The following MYO5A variants were observed in gnomAD, a reference collection of about 807,000 sequenced individuals.
MYO5A encodes the protein unconventional myosin-Va.
Under a neutral mutation model 249.7 loss-of-function variants are expected in MYO5A, and 98 were observed. The observed-to-expected ratio is 0.39, with a 90% CI of 0.33 to 0.46. The LOEUF (loss-of-function observed/expected upper bound fraction) is 0.46, where lower values mean the gene tolerates loss of function less well. MYO5A is among the 20% of genes least tolerant of loss of function. The probability of loss-of-function intolerance (pLI) is 0.98; values close to 1 mark genes in which losing one functional copy is unlikely to be tolerated. For synonymous variants in MYO5A, 778 were observed against 810.6 expected (o/e 0.96, Z 0.68); for missense variants, 1,696 against 2,308.8 (o/e 0.73, Z 5.44).
chr15:52,505,598 TTTCCAAGTC>T lies in MYO5A; in HGVS notation c.27+23173_27+23181del, dbSNP rs556272338. On this transcript the variant is annotated intron_variant, in intron 1 of 41. Coordinates refer to ENST00000399233, the MANE Select transcript of MYO5A (RefSeq NM_001382347.1). ...AAGAAAGCCAAAAAACCTGCACTTG[TTTCCAAGTC>T]TTCCATCTTATTAGATGTGAAATCT... 2.0e-4 allele frequency: 292 copies of T among 1,441,764 alleles called. No individual in the cohort carries two copies. The African/African-American group carries it at 3.8e-3, about 19-fold the overall frequency. The allele number at this position is 1,441,764 out of a possible 1,614,324, so 89.3% of individuals were successfully genotyped here. A position where few individuals can be genotyped will look rare whatever the true frequency, so the allele number is the denominator to read the frequency against.
intron 29 of MYO5A, among the ~76,000 whole-genome samples, chr15:52,347,116 CT>C (rs1336166860): frequency 6.6e-6 from 1 of 151,938 alleles, no homozygotes; most frequent in Non-Finnish European, 1.5e-5. Flanking sequence ...ATAAGAATAA[CT>C]TTTTTCCAAC....
intron 1 of MYO5A, among the ~76,000 whole-genome samples, chr15:52,452,133 C>G (rs779172173): frequency 6.6e-6 from 1 of 152,102 alleles, no homozygotes; most frequent in African/African-American, 2.4e-5. Flanking sequence ...CCCCCTCCCC[C>G]CACTGAAAAC....
At chr15:52,337,332 T>C (rs906117039) in intron 33 of MYO5A, among the ~76,000 whole-genome samples, 8 of 152,136 alleles carry the variant, frequency 5.3e-5, no homozygotes, top group African/African-American at 1.9e-4. Context: ...GGTTAAAAAC[T>C]CAATCAAAAA....
chr15:52,423,483 C>T (rs1414137375), intron 4 of MYO5A, among the ~76,000 whole-genome samples: 4 of 150,610 alleles, frequency 2.7e-5, no homozygotes, highest in African/African-American at 7.4e-5. Context: ...ACCCGGGAGG[C>T]GGAGGTTGCA....
At chr15:52,391,439 G>A (rs1373587746) in intron 12 of MYO5A, among the ~76,000 whole-genome samples, 1 of 152,128 alleles carries the variant, frequency 6.6e-6, no homozygotes, top group Admixed American at 6.5e-5. Context: ...GTTTGCCTAC[G>A]ATCACTCAGT....
chr15:52,321,200 C>T (rs966852717), intron 38 of MYO5A, among the ~76,000 whole-genome samples, 159 bp downstream of exon 38: 2 of 152,212 alleles, frequency 1.3e-5, no homozygotes, highest in African/African-American at 4.8e-5. Flanking sequence ...TTAACTATGG[C>T]TGGGTTTCTG....
intron 1 of MYO5A, among the ~76,000 whole-genome samples, chr15:52,521,268 C>T (rs2077613908): frequency 6.6e-6 from 1 of 151,252 alleles, no homozygotes. Context: ...TCCCAGCTCA[C>T]CTTCATCTTT....
At chr15:52,351,532 T>C (rs1180083529) in intron 27 of MYO5A, 51 bp from the exon 28 acceptor site, 3 of 1,538,078 alleles carry the variant, frequency 2.0e-6, no homozygotes, top group African/African-American at 2.7e-5. Context: ...CAACTTTACG[T>C]TGGATGCTCA....
intron 26 of MYO5A, 96 bp downstream of exon 26, chr15:52,353,775 G>C: frequency 1.3e-6 from 2 of 1,599,884 alleles, no homozygotes. Flanking sequence ...ACCAAGTGGT[G>C]CTTGGATAGG....
Position 52,376,542 on chromosome 15 carries a change from T to A in MYO5A, c.2225A>T (p.Gln742Leu), listed in dbSNP as rs766320263. The A allele has an allele frequency of 6.2e-7, 1 of 1,614,168 alleles. No homozygotes were observed. Reference protein sequence around the residue: ...EKLILDKDKYQFGKTKIFFRA... With the variant: ...EKLILDKDKYLFGKTKIFFRA... ...GAAAAAGATCTTTGTCTTACCAAAC[T>A]GGTATTTGTCCTTGTCCTATTTTTG... Residue 742 changes from glutamine to leucine, a missense_variant, in exon 19 of 42, where the codon CAG (glutamine) becomes CTG (leucine). By Grantham distance (113) the Gln-to-Leu change is moderately radical. This residue lies in a region of MYO5A where 277 missense variants were observed against 422.4 expected (regional missense o/e 0.66). Transcript: ENST00000399233.
At chr15:52,441,985 T>C (rs28682547) in intron 1 of MYO5A, among the ~76,000 whole-genome samples, 9,786 of 152,282 alleles carry the variant, frequency 0.064, 945 homozygotes, top group African/African-American at 0.21. Context: ...GCTCTGTAAT[T>C]TCCAGAAACA....
chr15:52,517,731 A>G (rs1674690440), intron 1 of MYO5A, among the ~76,000 whole-genome samples: 1 of 152,198 alleles, frequency 6.6e-6, no homozygotes, highest in Admixed American at 6.5e-5. Context: ...ATATACAGAT[A>G]TATTTTTTCA....
chr15:52,313,596 T>C lies in MYO5A; in HGVS notation c.*100A>G. On this transcript the variant is annotated 3_prime_UTR_variant, in exon 42 of 42. Coordinates refer to ENST00000399233, the MANE Select transcript of MYO5A (RefSeq NM_001382347.1). Reference sequence around the variant, plus strand: ...GACTTCTCATTTGGGAGATAATCAGTACTTTCTCTTTAAAAATGTATTTTC... The same window carrying C: ...GACTTCTCATTTGGGAGATAATCAGCACTTTCTCTTTAAAAATGTATTTTC... 1.4e-6 allele frequency: 2 copies of C among 1,411,238 alleles called. No homozygotes were observed. Among genetic ancestry groups the C allele is most frequent in the Middle Eastern group, 2.2e-4 (1 of 4,500 alleles). 87.4% of individuals were successfully genotyped at this position (1,411,238 alleles called of 1,614,324 possible).
At chr15:52,515,656 A>T (rs2077482181) in intron 1 of MYO5A, among the ~76,000 whole-genome samples, 1 of 152,314 alleles carries the variant, frequency 6.6e-6, no homozygotes, top group Non-Finnish European at 1.5e-5. Flanking sequence ...AGAAGGAGGG[A>T]GCAGATGACA....
chr15:52,458,351 A>G (rs1409832396), intron 1 of MYO5A, among the ~76,000 whole-genome samples: 3 of 152,170 alleles, frequency 2.0e-5, no homozygotes, highest in African/African-American at 7.2e-5. Context: ...CGAGGCAAGT[A>G]TATCACTTGA....
chr15:52,383,301 AT>A, intron 15 of MYO5A, 113 bp from the exon 16 acceptor site: 4 of 877,138 alleles, frequency 4.6e-6, no homozygotes, highest in Non-Finnish European at 7.6e-6. Flanking sequence ...TTTGCCACTT[AT>A]AAACTTGACC....
chr15:52,466,662 G>C (rs2141433366), intron 1 of MYO5A, among the ~76,000 whole-genome samples: 1 of 152,256 alleles, frequency 6.6e-6, no homozygotes, highest in South Asian at 2.1e-4. Context: ...TATTTTACCA[G>C]AGGCCTAAAT....
At chr15:52,505,719 TC>T in intron 1 of MYO5A, 1 of 1,382,748 alleles carries the variant, frequency 7.2e-7, no homozygotes, top group Non-Finnish European at 1.0e-6. Flanking sequence ...CTAAACTAGT[TC>T]CAGTGGGATA....
intron 1 of MYO5A, among the ~76,000 whole-genome samples, chr15:52,471,061 T>C (rs567442967): frequency 1.3e-5 from 2 of 151,838 alleles, no homozygotes; most frequent in East Asian, 1.9e-4. Flanking sequence ...AGAGTTCTTG[T>C]TGTCCAGACC....
Sources: allele counts gnomAD v4.1 joint callset (sites outside exome capture counted in the v4.1 genomes callset), GRCh38; gene constraint gnomAD v4.1.1; regional missense constraint gnomAD v4.1.1; transcripts MANE v1.5; gene names NCBI Gene and HGNC (gene_info 2026-07-23, HGNC 2026-07-21).